The following NLGN1 variants were observed in gnomAD, a reference collection of about 807,000 sequenced individuals.
NLGN1 encodes neuroligin 1.
A neutral mutation model predicts 65.5 loss-of-function variants in NLGN1; 12 were observed. The ratio of observed to expected loss-of-function variants is 0.18; its 90% CI spans 0.12 to 0.30. The LOEUF is 0.30. Ranked by LOEUF, NLGN1 falls within the 10% of genes least tolerant of loss-of-function variation. NLGN1 has a pLI of 1.00. For synonymous variants in NLGN1, 350 were observed against 359.5 expected, an observed-to-expected ratio of 0.97 and a Z score of 0.30; for missense variants, 750 against 1,007.1, an observed-to-expected ratio of 0.74 and a Z score of 3.46.
intron 4 of NLGN1, among the ~76,000 whole-genome samples, chr3:174,199,788 T>C (rs1430273982): frequency 6.6e-6 from 1 of 152,230 alleles, no homozygotes; most frequent in Non-Finnish European, 1.5e-5. Context: ...AGCACAGTTC[T>C]ACAAGATTTT....
At chr3:173,640,891 G>T (rs1757313219) in intron 3 of NLGN1, among the ~76,000 whole-genome samples, 1 of 152,072 alleles carries the variant, frequency 6.6e-6, no homozygotes, top group Non-Finnish European at 1.5e-5. Context: ...GCTTACTTTT[G>T]TTAGAAAGCA....
Position 173,412,311 on chromosome 3 carries a change from G to GACACACACAC in NLGN1, c.-390+13848_-390+13857dup, listed in dbSNP as rs71162345. Among the ~76,000 whole-genome samples the GACACACACAC allele has an allele frequency of 4.7e-3, 693 of 147,632 alleles. 6 individuals carry two copies. The highest frequency in any genetic ancestry group is 0.046 in the East Asian group (229 of 4,970). On this transcript the variant is annotated intron_variant, in intron 1 of 6. Coordinates refer to ENST00000457714, the Ensembl canonical transcript of NLGN1. ...TGCTCAATGCATTCTCTCTCACTCT[G>GACACACACAC]ACACACACACACACACACACACACA...
intron 4 of NLGN1, among the ~76,000 whole-genome samples, chr3:173,949,075 A>G (rs573951394): frequency 1.4e-3 from 213 of 152,242 alleles, no homozygotes; most frequent in African/African-American, 4.7e-3. Flanking sequence ...TAACTCATAA[A>G]TAGAAACAGC....
chr3:173,717,839 C>T (rs1770129673), intron 3 of NLGN1, among the ~76,000 whole-genome samples: 1 of 151,870 alleles, frequency 6.6e-6, no homozygotes, highest in Admixed American at 6.6e-5. Flanking sequence ...ATATATAAAC[C>T]TACTATGTAC....
chr3:173,497,389 AAAAT>A (rs1247870942), intron 2 of NLGN1, among the ~76,000 whole-genome samples: 2 of 146,130 alleles, frequency 1.4e-5, no homozygotes, highest in African/African-American at 5.0e-5. Context: ...ACTCCATCTC[AAAAT>A]AAATAAATAA....
intron 3 of NLGN1, among the ~76,000 whole-genome samples, chr3:173,692,845 T>A (rs1190012385): frequency 1.3e-5 from 2 of 152,116 alleles, no homozygotes; most frequent in African/African-American, 2.4e-5. Flanking sequence ...TTAAATGCAT[T>A]GGAAAGAACA....
chr3:173,710,355 A>T (rs968937850), intron 3 of NLGN1, among the ~76,000 whole-genome samples: 65 of 151,690 alleles, frequency 4.3e-4, no homozygotes, highest in African/African-American at 1.4e-3. Context: ...ACTCACATTT[A>T]AAAAAAAATC....
intron 3 of NLGN1, among the ~76,000 whole-genome samples, chr3:173,702,053 A>C (rs893872443): frequency 3.3e-5 from 5 of 151,838 alleles, no homozygotes; most frequent in East Asian, 2.0e-4. Context: ...TCCCGGCTAA[A>C]ACGGTGAAAC....
At chr3:173,793,630 G>A (rs1172543765) in intron 3 of NLGN1, among the ~76,000 whole-genome samples, 1 of 152,050 alleles carries the variant, frequency 6.6e-6, no homozygotes, top group African/African-American at 2.4e-5. Flanking sequence ...TAAAATTTCA[G>A]AAGTGCTACA....
intron 2 of NLGN1, among the ~76,000 whole-genome samples, chr3:173,486,281 C>T (rs754148770): frequency 1.3e-4 from 20 of 152,102 alleles, no homozygotes; most frequent in African/African-American, 1.9e-4. Flanking sequence ...AGGCTGGTCT[C>T]GAACTCCTGG....
At chr3:173,658,576 A>T (rs1329177688) in intron 3 of NLGN1, among the ~76,000 whole-genome samples, 1 of 152,020 alleles carries the variant, frequency 6.6e-6, no homozygotes, top group Non-Finnish European at 1.5e-5. Context: ...TGATGAGTCC[A>T]TTCTTAGTTG....
intron 4 of NLGN1, among the ~76,000 whole-genome samples, chr3:174,116,223 A>G (rs1316168833): frequency 6.6e-6 from 1 of 151,152 alleles, no homozygotes; most frequent in East Asian, 1.9e-4. Flanking sequence ...GTACACCACC[A>G]CCATCAACAC....
chr3:173,540,384 A>T (rs755340954), intron 2 of NLGN1, among the ~76,000 whole-genome samples: 34 of 152,300 alleles, frequency 2.2e-4, no homozygotes, highest in Admixed American at 3.9e-4. Context: ...AATGGGCCAG[A>T]GTAACACATC....
At chr3:174,065,716 T>TA (rs78751846) in intron 4 of NLGN1, among the ~76,000 whole-genome samples, 53 of 147,056 alleles carry the variant, frequency 3.6e-4, no homozygotes, top group East Asian at 9.8e-4. Context: ...ATTACATTAT[T>TA]AAAAAAAAAA....
At chr3:173,735,743 C>CTTTG (rs1773638924) in intron 3 of NLGN1, among the ~76,000 whole-genome samples, 1 of 152,072 alleles carries the variant, frequency 6.6e-6, no homozygotes, top group Non-Finnish European at 1.5e-5. Flanking sequence ...CTTGAAATAA[C>CTTTG]ATTAAAGATT....
At chr3:174,091,120 T>C (rs1744430239) in intron 4 of NLGN1, among the ~76,000 whole-genome samples, 1 of 152,054 alleles carries the variant, frequency 6.6e-6, no homozygotes, top group African/African-American at 2.4e-5. Flanking sequence ...GATGACCAGG[T>C]GCCTGAAGAA....
chr3:174,265,763 C>CTATATATATATGTGTATA (rs1298436001), intron 4 of NLGN1, among the ~76,000 whole-genome samples: 1 of 125,668 alleles, frequency 8.0e-6, no homozygotes, highest in African/African-American at 3.4e-5. Flanking sequence ...ACTAAGAAGG[C>CTATATATATATGTGTATA]TATATATATA....
intron 3 of NLGN1, among the ~76,000 whole-genome samples, chr3:173,668,343 A>T (rs566022902): frequency 1.3e-5 from 2 of 152,300 alleles, no homozygotes; most frequent in Non-Finnish European, 1.5e-5. Flanking sequence ...TACCAGGCTC[A>T]ACTAAAAGAC....
intron 2 of NLGN1, among the ~76,000 whole-genome samples, chr3:173,442,072 A>G (rs1719303779): frequency 6.6e-6 from 1 of 152,190 alleles, no homozygotes; most frequent in African/African-American, 2.4e-5. Flanking sequence ...ATGTAAAAAT[A>G]TGTATAAACA....
Sources: allele counts gnomAD v4.1 joint callset (sites outside exome capture counted in the v4.1 genomes callset), GRCh38; gene constraint gnomAD v4.1.1; transcripts MANE v1.5; gene names NCBI Gene and HGNC (gene_info 2026-07-23, HGNC 2026-07-21).